ABCC8: variants seen among roughly 807,000 people sequenced by gnomAD.
ABCC8 encodes the protein ATP binding cassette subfamily C member 8.
ABCC8 carries 137 observed loss-of-function variants against 188.0 expected under a neutral mutation model. The ratio of observed to expected loss-of-function variants is 0.73; its 90% CI spans 0.63 to 0.84. The LOEUF is 0.84. Among genes scored for constraint, ABCC8 ranks in the 40% least tolerant of loss-of-function variants. The probability of loss-of-function intolerance (pLI) is 0.00; values close to 1 mark genes in which losing one functional copy is unlikely to be tolerated. For missense variants in ABCC8, 1,750 were observed against 2,072.7 expected, an observed-to-expected ratio of 0.84 and a Z score of 3.02; for synonymous variants, 797 against 846.5, an observed-to-expected ratio of 0.94 and a Z score of 1.01.
chr11:17,415,854 C>T (rs1156594288), intron 17 of ABCC8, among the ~76,000 whole-genome samples: 2 of 152,318 alleles, frequency 1.3e-5, no homozygotes, highest in South Asian at 2.1e-4. Flanking sequence ...GCATGATCTG[C>T]AGCCCCATAT....
intron 2 of ABCC8, among the ~76,000 whole-genome samples, chr11:17,474,291 T>G (rs2133725986): frequency 1.3e-5 from 2 of 152,352 alleles, no homozygotes; most frequent in South Asian, 4.1e-4. Context: ...TTCTAACTCT[T>G]AGGCCTTTCT....
intron 21 of ABCC8, among the ~76,000 whole-genome samples, chr11:17,411,891 C>CTTTTTT (rs1262103548): frequency 8.1e-6 from 1 of 122,982 alleles, no homozygotes; most frequent in African/African-American, 3.1e-5. Flanking sequence ...CGAATACGTT[C>CTTTTTT]TTTTTTTTTT....
chr11:17,463,712 G>C, intron 3 of ABCC8, 108 bp from the exon 4 acceptor site: 1 of 1,436,594 alleles, frequency 7.0e-7, no homozygotes, highest in Non-Finnish European at 9.5e-7. Context: ...AAGCGTGCCT[G>C]GGTGTGTACA....
intron 16 of ABCC8, among the ~76,000 whole-genome samples, chr11:17,425,657 C>A (rs546252816): frequency 2.0e-5 from 3 of 152,132 alleles, no homozygotes; most frequent in Non-Finnish European, 2.9e-5. Context: ...TTCCTATTTT[C>A]TTACCTTTTT....
At chr11:17,468,640 G>C (rs1364557258) in intron 3 of ABCC8, among the ~76,000 whole-genome samples, 2 of 152,204 alleles carry the variant, frequency 1.3e-5, no homozygotes, top group Non-Finnish European at 2.9e-5. Flanking sequence ...TAGAGTTGTT[G>C]CAAGGATTAA....
In ABCC8 at chr11:17,397,489, C is replaced by G; in HGVS notation, c.3868-176G>C. On this transcript the variant is annotated intron_variant, in intron 31 of 38. Transcript: ENST00000389817. ...GGCACAGGGAGGGTCAGTCATGTGG[C>G]TCCCCAACCTCCACCTGTCTGGGGC... 3 of 1,430,210 alleles carry G rather than the reference C, an allele frequency of 2.1e-6. No individual in the cohort carries two copies. The South Asian group carries it at 3.8e-5, about 18-fold the overall frequency. The allele number at this position is 1,430,210 out of a possible 1,614,324, so 88.6% of individuals were successfully genotyped here. A position where few individuals can be genotyped will look rare whatever the true frequency, so the allele number is the denominator to read the frequency against.
intron 10 of ABCC8, among the ~76,000 whole-genome samples, chr11:17,433,809 C>T (rs998542437): frequency 1.3e-5 from 2 of 152,142 alleles, no homozygotes; most frequent in Non-Finnish European, 2.9e-5. Context: ...TGGCAGATGG[C>T]GAATTTCTCT....
At chr11:17,422,042 G>A (rs1459038315) in intron 16 of ABCC8, among the ~76,000 whole-genome samples, 1 of 152,216 alleles carries the variant, frequency 6.6e-6, no homozygotes, top group Non-Finnish European at 1.5e-5. Context: ...CCAGGTCAGA[G>A]GCTGTTTTGC....
At chr11:17,410,439 G>T in intron 22 of ABCC8, 77 bp downstream of exon 22, 1 of 1,511,616 alleles carries the variant, frequency 6.6e-7, no homozygotes, top group Non-Finnish European at 9.2e-7. Context: ...CCAAGACAAC[G>T]GATTGGTTCC....
rs753151571 is a variant in ABCC8 at position 17,470,213 on chromosome 11, T to G, written c.300A>C (p.Glu100Asp). Residue 100 changes from glutamate (E) to aspartate (D), a missense_variant, in exon 3 of 39, where the codon GAA becomes GAC. Glu to Asp is a conservative substitution (Grantham distance 45). Transcript: ENST00000389817. ...GCATGTACAGGTGCAGATGGTGGGA[T>G]TCGGTCACCCTGAGATGGGAGAGAG... ...AEGILSDGVT[E>D]SHHLHLYMPA... 45 of 1,614,012 alleles carry G rather than the reference T, an allele frequency of 2.8e-5. No individual in the cohort carries two copies.
At chr11:17,459,394 T>A (rs1957105154) in intron 6 of ABCC8, among the ~76,000 whole-genome samples, 1 of 152,184 alleles carries the variant, frequency 6.6e-6, no homozygotes, top group Non-Finnish European at 1.5e-5. Context: ...ACAGCAGTGT[T>A]CAATGAAAGT....
At chr11:17,408,604 G>T (rs566928727) in intron 22 of ABCC8, 87 bp from the exon 23 acceptor site, 2 of 1,533,042 alleles carry the variant, frequency 1.3e-6, no homozygotes, top group South Asian at 2.5e-5. Context: ...TAAGATGGAG[G>T]TTGACACATC....
chr11:17,440,948 G>C (rs1234508863), intron 10 of ABCC8, among the ~76,000 whole-genome samples: 1 of 152,202 alleles, frequency 6.6e-6, no homozygotes, highest in African/African-American at 2.4e-5. Flanking sequence ...AGAATGCCAA[G>C]AATACGCAGA....
chr11:17,446,802 T>A (rs1390770016), intron 8 of ABCC8, among the ~76,000 whole-genome samples: 2 of 152,108 alleles, frequency 1.3e-5, no homozygotes, highest in Non-Finnish European at 2.9e-5. Context: ...TGTGGGAGCC[T>A]CTCCCCTTTT....
At chr11:17,418,520 T>C (rs1955186357) in intron 16 of ABCC8, among the ~76,000 whole-genome samples, 1 of 152,234 alleles carries the variant, frequency 6.6e-6, no homozygotes, top group Admixed American at 6.5e-5. Flanking sequence ...GCTGGTAACA[T>C]GAGACATAGA....
At position 17,443,282 on chromosome 11, in the gene ABCC8, T is replaced by G; in HGVS notation, c.1363A>C (p.Ile455Leu). The G allele has an allele frequency of 1.9e-6, 3 of 1,613,962 alleles. No homozygotes were observed. Among genetic ancestry groups the G allele is most frequent in the Non-Finnish European group, 2.5e-6 (3 of 1,179,998 alleles). Residue 455 changes from isoleucine to leucine, a missense_variant, in exon 9 of 39, where the codon ATA becomes CTA. Coordinates refer to ENST00000389817, the MANE Select transcript of ABCC8 (RefSeq NM_000352.6). ...IIVGVILLYY[I>L]LGVSALIGAA... ...CCAATTAAGGCACTGACTCCGAGTA[T>G]GTAGTAGAGGAGAATCACACCCACA...
intron 27 of ABCC8, 26 bp downstream of exon 27, chr11:17,405,468 G>A: frequency 6.2e-7 from 1 of 1,614,114 alleles, no homozygotes; most frequent in Non-Finnish European, 8.5e-7. Flanking sequence ...CTGGAAGGGG[G>A]GATAGTGTGG....
In ABCC8 at chr11:17,408,943, T is replaced by A. The variant is rs372330795; in HGVS notation, c.2695-426A>T. Among the ~76,000 whole-genome samples, 331 of 145,980 alleles carry A rather than the reference T, an allele frequency of 2.3e-3. 2 individuals are homozygous for A. The highest frequency in any genetic ancestry group is 6.1e-3 in the African/African-American group (246 of 40,608). On this transcript the variant is annotated intron_variant, in intron 22 of 38. Coordinates refer to ENST00000389817, the MANE Select transcript of ABCC8 (RefSeq NM_000352.6). ...TGTGTGTGGCCATGCCTCTTTGGAA[T>A]CAATAAATCTTTTTTTTTTTTTTTT...
chr11:17,470,373 G>T lies in ABCC8; in HGVS notation c.291-151C>A. On this transcript the variant is annotated intron_variant, in intron 2 of 38. Coordinates refer to ENST00000389817, the MANE Select transcript of ABCC8 (RefSeq NM_000352.6). The stretch of plus-strand genomic sequence containing the variant: ...CCTTTAGTTAATGGGCGTATTTGGG[G>T]TATGGGCTGGGCAGAGCTGCCAGTA... The T allele has an allele frequency of 3.6e-6, 5 of 1,372,962 alleles. No individual in the cohort carries two copies. The South Asian group carries it at 5.0e-5, about 14-fold the overall frequency. The allele number at this position is 1,372,962 out of a possible 1,614,324, so 85.0% of individuals were successfully genotyped here. A position where few individuals can be genotyped will look rare whatever the true frequency, so the allele number is the denominator to read the frequency against.
Sources: allele counts gnomAD v4.1 joint callset (sites outside exome capture counted in the v4.1 genomes callset), GRCh38; gene constraint gnomAD v4.1.1; transcripts MANE v1.5; gene names NCBI Gene and HGNC (gene_info 2026-07-23, HGNC 2026-07-21).